AFG1L: variants seen among roughly 807,000 people sequenced by gnomAD.
AFG1L encodes the protein AFG1-like ATPase.
In AFG1L, 53 loss-of-function variants were observed where a neutral mutation model predicts 62.2. The observed-to-expected ratio is 0.85, with a 90% CI of 0.68 to 1.07. The LOEUF (loss-of-function observed/expected upper bound fraction) is 1.07. AFG1L is among the 50% of genes least tolerant of loss of function. The pLI is 0.00. For missense variants in AFG1L, 555 were observed against 590.5 expected (o/e 0.94, Z 0.62); for synonymous variants, 228 against 210.3 (o/e 1.08, Z -0.73).
intron 8 of AFG1L, among the ~76,000 whole-genome samples, chr6:108,475,567 A>G (rs894556385): frequency 1.3e-5 from 2 of 152,094 alleles, no homozygotes; most frequent in Non-Finnish European, 2.9e-5. Flanking sequence ...ATTACTTTCT[A>G]TAGTGTCATT....
intron 8 of AFG1L, among the ~76,000 whole-genome samples, chr6:108,470,791 G>A: frequency 6.6e-6 from 1 of 152,056 alleles, no homozygotes; most frequent in East Asian, 1.9e-4. Context: ...AATATTATCT[G>A]TTTGCCTGAA....
chr6:108,436,077 G>A (rs922029457), intron 7 of AFG1L, among the ~76,000 whole-genome samples: 9 of 152,114 alleles, frequency 5.9e-5, no homozygotes, highest in Non-Finnish European at 1.0e-4. Context: ...GACCCATTTT[G>A]TTATGTTACA....
chr6:108,418,602 T>C (rs1056837779), intron 7 of AFG1L, among the ~76,000 whole-genome samples: 11 of 152,174 alleles, frequency 7.2e-5, no homozygotes, highest in African/African-American at 2.7e-4. Context: ...GGATAAATGG[T>C]TGATCGAAGG....
chr6:108,485,604 A>C (rs558031390), intron 10 of AFG1L, among the ~76,000 whole-genome samples: 2 of 134,800 alleles, frequency 1.5e-5, no homozygotes, highest in East Asian at 4.2e-4. Context: ...AGAAGTGCAA[A>C]GATTAAGAAA....
chr6:108,389,642 A>G (rs1453435084), intron 6 of AFG1L, among the ~76,000 whole-genome samples: 1 of 152,104 alleles, frequency 6.6e-6, no homozygotes, highest in Non-Finnish European at 1.5e-5. Flanking sequence ...TATGAAGCTT[A>G]GTTTGGCTGG....
intron 6 of AFG1L, among the ~76,000 whole-genome samples, chr6:108,392,727 A>G (rs939837574): frequency 1.3e-5 from 2 of 152,086 alleles, no homozygotes; most frequent in Non-Finnish European, 2.9e-5. Flanking sequence ...TTAGTCTGTA[A>G]TACAATAAGA....
At chr6:108,381,069 A>G (rs1780491080) in intron 6 of AFG1L, among the ~76,000 whole-genome samples, 1 of 152,232 alleles carries the variant, frequency 6.6e-6, no homozygotes, top group Non-Finnish European at 1.5e-5. Context: ...GGCAGGCTGA[A>G]AGCCGCTAAT....
intron 6 of AFG1L, among the ~76,000 whole-genome samples, chr6:108,373,699 C>T (rs1054259134): frequency 6.6e-6 from 1 of 151,496 alleles, no homozygotes; most frequent in African/African-American, 2.4e-5. Flanking sequence ...GCGTCAGCCT[C>T]TCGAGTAGCT....
chr6:108,414,508 T>C (rs540500714), intron 7 of AFG1L, among the ~76,000 whole-genome samples: 1 of 152,264 alleles, frequency 6.6e-6, no homozygotes, highest in African/African-American at 2.4e-5. Flanking sequence ...TGAAGATCGA[T>C]GCAAAACTCC....
At chr6:108,388,848 A>G (rs1449896470) in intron 6 of AFG1L, among the ~76,000 whole-genome samples, 1 of 152,082 alleles carries the variant, frequency 6.6e-6, no homozygotes, top group Non-Finnish European at 1.5e-5. Flanking sequence ...AAAAATGTAT[A>G]TTCTGTTGAT....
At chr6:108,314,239 G>GA (rs1185415469) in intron 1 of AFG1L, among the ~76,000 whole-genome samples, 18 of 149,568 alleles carry the variant, frequency 1.2e-4, no homozygotes, top group East Asian at 3.9e-4. Flanking sequence ...CTCAAAAAAA[G>GA]AAAAAAAAAG....
At chr6:108,416,484 T>C (rs1443174209) in intron 7 of AFG1L, among the ~76,000 whole-genome samples, 1 of 152,218 alleles carries the variant, frequency 6.6e-6, no homozygotes, top group Non-Finnish European at 1.5e-5. Context: ...CATATGTTTA[T>C]TGCAGCACTA....
intron 7 of AFG1L, among the ~76,000 whole-genome samples, chr6:108,404,224 A>C (rs1478908748): frequency 1.3e-5 from 2 of 152,208 alleles, no homozygotes; most frequent in Non-Finnish European, 2.9e-5. Flanking sequence ...AGTCAATCTT[A>C]AAACAAATTG....
At chr6:108,325,328 C>T (rs917870060) in intron 2 of AFG1L, among the ~76,000 whole-genome samples, 1 of 152,054 alleles carries the variant, frequency 6.6e-6, no homozygotes, top group Non-Finnish European at 1.5e-5. Flanking sequence ...CTTGGGAACC[C>T]CTCGTATTTG....
Position 108,422,477 on chromosome 6 carries a change from C to CAAAAAAAAAAAAAAAAAAAAAAAAAAAAA in AFG1L, c.807+20445_807+20446insAAAAAAAAAAAAAAAAAAAAAAAAAAAAA, listed in dbSNP as rs539232525. Among the ~76,000 whole-genome samples, 79 of 45,804 alleles carry CAAAAAAAAAAAAAAAAAAAAAAAAAAAAA rather than the reference C, an allele frequency of 1.7e-3. 23 individuals are homozygous for CAAAAAAAAAAAAAAAAAAAAAAAAAAAAA. The highest frequency in any genetic ancestry group is 6.0e-3 in the African/African-American group (58 of 9,608). The allele number at this position is 45,804 out of a possible 152,430, so 30.0% of individuals were successfully genotyped here. ...ATATTTTTTTAAAATTAGTCCTCAGCAAAAAAAAAAAAAAAAAAAAAAGAA... is the reference window on the plus strand; with the variant it reads ...ATATTTTTTTAAAATTAGTCCTCAGCAAAAAAAAAAAAAAAAAAAAAAAAAAAAAAAAAAAAAAAAAAAAAAAAAAAGAA... On this transcript the variant is annotated intron_variant, in intron 7 of 12. Coordinates refer to ENST00000368977, the MANE Select transcript of AFG1L (RefSeq NM_145315.5).
chr6:108,460,136 T>C (rs377761686), intron 8 of AFG1L, among the ~76,000 whole-genome samples: 1 of 152,154 alleles, frequency 6.6e-6, no homozygotes, highest in Admixed American at 6.5e-5. Context: ...ATTGAGGAAT[T>C]ATTGTTAACT....
chr6:108,408,044 T>A (rs185281409), intron 7 of AFG1L, among the ~76,000 whole-genome samples: 34 of 152,184 alleles, frequency 2.2e-4, no homozygotes, highest in African/African-American at 7.9e-4. Context: ...TTACATTGAG[T>A]CTGTTACTTC....
chr6:108,350,221 A>G (rs1238155907), intron 3 of AFG1L, among the ~76,000 whole-genome samples: 1 of 152,006 alleles, frequency 6.6e-6, no homozygotes, highest in Admixed American at 6.5e-5. Context: ...ATACATAAGT[A>G]AATAAAATAA....
chr6:108,347,076 A>T (rs760347891), intron 3 of AFG1L, 37 bp downstream of exon 3: 1 of 1,532,962 alleles, frequency 6.5e-7, no homozygotes, highest in Non-Finnish European at 9.0e-7. Flanking sequence ...TGGGCAAAAC[A>T]GAAAGTTTCT....
Sources: gnomAD v4.1 joint callset for allele counts (sites outside exome capture counted in the v4.1 genomes callset) on GRCh38, gnomAD v4.1.1 for gene constraint, MANE v1.5 for transcripts, NCBI Gene and HGNC (gene_info 2026-07-23, HGNC 2026-07-21) for gene names.